Variants in LRFN5 observed in about 807,000 individuals in gnomAD.
LRFN5 encodes leucine-rich repeat and fibronectin type-III domain-containing protein 5.
LRFN5 carries 24 observed loss-of-function variants against 45.6 expected under a neutral mutation model. The ratio of observed to expected loss-of-function variants is 0.53; its 90% CI spans 0.38 to 0.74. The LOEUF (loss-of-function observed/expected upper bound fraction) is 0.74, where lower values mean the gene tolerates loss of function less well. LRFN5 is among the 30% of genes least tolerant of loss of function. The pLI, the probability that LRFN5 is intolerant of heterozygous loss-of-function variation, is 0.00. For missense variants in LRFN5, 776 were observed against 861.5 expected, an observed-to-expected ratio of 0.90 and a Z score of 1.24; for synonymous variants, 340 against 313.8, an observed-to-expected ratio of 1.08 and a Z score of -0.88.
At chr14:41,755,833 A>G (rs1195570209) in intron 1 of LRFN5, among the ~76,000 whole-genome samples, 2 of 152,152 alleles carry the variant, frequency 1.3e-5, no homozygotes, top group Admixed American at 1.3e-4. Context: ...TATTTTGCTC[A>G]TTAGTTGATG....
rs191745990 is a variant in LRFN5, at chr14:41,665,903, C to T, written c.-197+57341C>T. Among the ~76,000 whole-genome samples the T allele has an allele frequency of 5.3e-3, 805 of 151,850 alleles. 5 individuals carry two copies. Among genetic ancestry groups the T allele is most frequent in the Non-Finnish European group, 8.9e-3 (605 of 67,876 alleles). On this transcript the variant is annotated intron_variant, in intron 1 of 5. Transcript: ENST00000298119. ...TTTATTTTTATGTCTGTTTTATGTT[C>T]AATTATGACTGAATATTTCATCAAA...
At chr14:41,754,458 A>G (rs936948987) in intron 1 of LRFN5, among the ~76,000 whole-genome samples, 1 of 152,134 alleles carries the variant, frequency 6.6e-6, no homozygotes, top group Non-Finnish European at 1.5e-5. Context: ...TTATTGGTCT[A>G]TTCAGAGATT....
At chr14:41,828,262 A>G (rs1313782587) in intron 2 of LRFN5, among the ~76,000 whole-genome samples, 2 of 152,008 alleles carry the variant, frequency 1.3e-5, no homozygotes, top group Non-Finnish European at 2.9e-5. Context: ...TTATTATAGG[A>G]TATTAATTAA....
chr14:41,882,953 A>G (rs925075004), intron 2 of LRFN5, among the ~76,000 whole-genome samples: 1 of 142,668 alleles, frequency 7.0e-6, no homozygotes, highest in Non-Finnish European at 1.5e-5. Flanking sequence ...GGTTTACGCC[A>G]TTCTCCTGCC....
intron 2 of LRFN5, among the ~76,000 whole-genome samples, chr14:41,784,971 T>C (rs1251960486): frequency 6.6e-6 from 1 of 152,082 alleles, no homozygotes; most frequent in Non-Finnish European, 1.5e-5. Context: ...AGCATTACCA[T>C]GTTCTCTGGG....
Position 41,663,073 on chromosome 14 carries a change from G to A in LRFN5, c.-197+54511G>A, listed in dbSNP as rs574421945. Among the ~76,000 whole-genome samples the A allele has an allele frequency of 3.3e-5, 5 of 152,218 alleles. No individual in the cohort carries two copies. In the South Asian group the frequency reaches 1.0e-3, roughly 32 times the overall value. On this transcript the variant is annotated intron_variant, in intron 1 of 5. Transcript: ENST00000298119. ...GGATCTGCTAAGAACTGTGGAAACT[G>A]TTTACATGCAGTTTAATCTAATTTC... is the stretch of plus-strand genomic sequence containing the variant.
chr14:41,811,654 G>A (rs1363611572), intron 2 of LRFN5, among the ~76,000 whole-genome samples: 1 of 152,048 alleles, frequency 6.6e-6, no homozygotes, highest in African/African-American at 2.4e-5. Flanking sequence ...AATGAAAGGA[G>A]CCAGTCAGAG....
At chr14:41,862,871 T>A (rs1035979897) in intron 2 of LRFN5, among the ~76,000 whole-genome samples, 1 of 147,954 alleles carries the variant, frequency 6.8e-6, no homozygotes, top group African/African-American at 2.5e-5. Flanking sequence ...CTTTTTTTTT[T>A]TTTTTTTTTT....
At chr14:41,720,979 G>A (rs1439060695) in intron 1 of LRFN5, among the ~76,000 whole-genome samples, 1 of 152,048 alleles carries the variant, frequency 6.6e-6, no homozygotes, top group Non-Finnish European at 1.5e-5. Flanking sequence ...TGTCAGTAGG[G>A]TGTTGAATTC....
chr14:41,728,160 T>C (rs937829248), intron 1 of LRFN5, among the ~76,000 whole-genome samples: 11 of 152,162 alleles, frequency 7.2e-5, no homozygotes, highest in African/African-American at 2.7e-4. Flanking sequence ...AATCTTCCAT[T>C]AGTCATATTT....
chr14:41,849,439 G>C (rs968574523), intron 2 of LRFN5, among the ~76,000 whole-genome samples: 1 of 150,864 alleles, frequency 6.6e-6, no homozygotes, highest in African/African-American at 2.4e-5. Flanking sequence ...TTCTTAGTGT[G>C]GTTAAAAAAA....
intron 1 of LRFN5, among the ~76,000 whole-genome samples, chr14:41,670,223 A>G (rs1213479390): frequency 7.8e-5 from 10 of 128,918 alleles, no homozygotes; most frequent in African/African-American, 2.7e-4. Flanking sequence ...GTGTATATAT[A>G]TGTATACACA....
At chr14:41,897,947 T>C (rs965666510) in intron 4 of LRFN5, among the ~76,000 whole-genome samples, 7 of 152,114 alleles carry the variant, frequency 4.6e-5, no homozygotes, top group African/African-American at 1.7e-4. Flanking sequence ...TAAATAAATA[T>C]TTGAGTAAAA....
chr14:41,749,977 T>C (rs140708377), intron 1 of LRFN5, among the ~76,000 whole-genome samples: 85 of 152,220 alleles, frequency 5.6e-4, no homozygotes, highest in African/African-American at 1.9e-3. Flanking sequence ...TTAACATCAA[T>C]AGGGAGACAT....
chr14:41,610,099 C>G (rs1887683628), intron 1 of LRFN5: 1 of 152,620 alleles, frequency 6.6e-6, no homozygotes, highest in African/African-American at 2.4e-5. Flanking sequence ...TTGACACTTT[C>G]TCCGGGCAGG....
chr14:41,683,198 A>G (rs1881978518), intron 1 of LRFN5, among the ~76,000 whole-genome samples: 1 of 152,234 alleles, frequency 6.6e-6, no homozygotes, highest in African/African-American at 2.4e-5. Flanking sequence ...ACATCGTATC[A>G]ATAGAATGAA....
At chr14:41,635,240 G>A (rs1052527852) in intron 1 of LRFN5, among the ~76,000 whole-genome samples, 10 of 152,032 alleles carry the variant, frequency 6.6e-5, no homozygotes, top group African/African-American at 2.4e-4. Context: ...CCTAGATACA[G>A]CCTTCAAAAT....
intron 1 of LRFN5, among the ~76,000 whole-genome samples, chr14:41,616,430 C>T (rs1887927614): frequency 6.6e-6 from 1 of 152,120 alleles, no homozygotes; most frequent in Admixed American, 6.5e-5. Flanking sequence ...CAGAGAGGAG[C>T]CCTAGTCCTT....
At chr14:41,693,002 C>G (rs1882449637) in intron 1 of LRFN5, among the ~76,000 whole-genome samples, 1 of 151,998 alleles carries the variant, frequency 6.6e-6, no homozygotes, top group Admixed American at 6.6e-5. Context: ...TTTATTTCCT[C>G]ATTCAGTTGC....
Sources: gnomAD v4.1 joint callset for allele counts (sites outside exome capture counted in the v4.1 genomes callset) on GRCh38, gnomAD v4.1.1 for gene constraint, MANE v1.5 for transcripts, NCBI Gene and HGNC (gene_info 2026-07-23, HGNC 2026-07-21) for gene names.